Variants in ADAMTSL1 observed in about 807,000 individuals in gnomAD.
ADAMTSL1 encodes the protein ADAMTS like 1, also known as ADAMTS-like protein 1.
In ADAMTSL1, 126 loss-of-function variants were observed where a neutral mutation model predicts 201.8. The ratio of observed to expected loss-of-function variants is 0.62; its 90% CI spans 0.54 to 0.72. ADAMTSL1 has a LOEUF of 0.72. ADAMTSL1 is among the 30% of genes least tolerant of loss of function. ADAMTSL1 has a pLI of 0.00. For missense variants in ADAMTSL1, 2,679 were observed against 2,277.8 expected (o/e 1.18, Z -3.59); for synonymous variants, 1,121 against 903.4 (o/e 1.24, Z -4.32).
At chr9:18,125,615 G>A (rs1010177870) in intron 1 of ADAMTSL1, among the ~76,000 whole-genome samples, 1 of 152,074 alleles carries the variant, frequency 6.6e-6, no homozygotes, top group Non-Finnish European at 1.5e-5. Context: ...GGCGAGATAA[G>A]GGTCCAACTT....
chr9:18,811,073 G>A (rs187408761), intron 20 of ADAMTSL1, among the ~76,000 whole-genome samples: 1 of 140,586 alleles, frequency 7.1e-6, no homozygotes, highest in East Asian at 2.3e-4. Flanking sequence ...CTAACAAAAG[G>A]ACTAGGAAAG....
At chr9:18,839,742 T>A (rs1420620394) in intron 23 of ADAMTSL1, among the ~76,000 whole-genome samples, 1 of 152,074 alleles carries the variant, frequency 6.6e-6, no homozygotes, top group African/African-American at 2.4e-5. Flanking sequence ...TGGTGTGAGG[T>A]GGTATCTCAT....
chr9:18,552,681 G>T (rs138471410), intron 3 of ADAMTSL1, among the ~76,000 whole-genome samples: 30 of 151,554 alleles, frequency 2.0e-4, no homozygotes, highest in Non-Finnish European at 4.3e-4. Flanking sequence ...CTTGTAGTCC[G>T]TTTGGGTTAT....
chr9:18,764,178 G>C (rs1364310710), intron 16 of ADAMTSL1, among the ~76,000 whole-genome samples: 1 of 152,066 alleles, frequency 6.6e-6, no homozygotes, highest in African/African-American at 2.4e-5. Context: ...TTTCATCAGT[G>C]TCTTAAACTT....
chr9:18,906,776 T>C lies in ADAMTSL1; in HGVS notation c.5046T>C (p.Cys1682=). 6.2e-7 allele frequency: 1 copy of C among 1,613,994 alleles called. No individual in the cohort carries two copies. ...TGTGGACCCTGTGCACAGCTACCTG[T>C]GGCAACTACGGCTTCCAGTCCCGGC... The part of the protein sequence containing the change: ...VSLWTLCTAT[C]GNYGFQSRRV... Residue 1682 remains cysteine, a synonymous_variant, in exon 28 of 29, where the codon TGT becomes TGC. Coordinates refer to ENST00000380548, the MANE Select transcript of ADAMTSL1 (RefSeq NM_001040272.6).
intron 2 of ADAMTSL1, among the ~76,000 whole-genome samples, chr9:18,308,094 C>T (rs754512428): frequency 3.9e-5 from 6 of 152,100 alleles, no homozygotes; most frequent in East Asian, 1.9e-4. Context: ...TGAATGACTA[C>T]TGGGTAAATA....
In ADAMTSL1 at chr9:18,744,741, A is replaced by G. The variant is rs553325957; in HGVS notation, c.2007-8557A>G. ...TTCAACTGCAGGGTGGCAGAGCACA[A>G]TTCATTCGCAAACAATCCGATCTTA... On this transcript the variant is annotated intron_variant, in intron 15 of 28. Coordinates refer to ENST00000380548, the MANE Select transcript of ADAMTSL1 (RefSeq NM_001040272.6). 3.5e-4 allele frequency among the ~76,000 whole-genome samples: 53 copies of G among 152,318 alleles called. 1 individual carries two copies. The highest frequency in any genetic ancestry group is 9.4e-4 in the African/African-American group (39 of 41,572).
chr9:18,394,782 G>A (rs906679281), intron 2 of ADAMTSL1, among the ~76,000 whole-genome samples: 2 of 152,280 alleles, frequency 1.3e-5, no homozygotes, highest in South Asian at 2.1e-4. Flanking sequence ...TATGAGAACA[G>A]CAGGTCTGAA....
intron 1 of ADAMTSL1, among the ~76,000 whole-genome samples, chr9:17,964,873 T>C (rs542744309): frequency 1.3e-5 from 2 of 152,258 alleles, no homozygotes; most frequent in South Asian, 4.1e-4. Flanking sequence ...ATTTCTTTTC[T>C]TTTCTTTTCT....
At chr9:18,266,157 C>T (rs1263218591) in intron 2 of ADAMTSL1, among the ~76,000 whole-genome samples, 1 of 152,248 alleles carries the variant, frequency 6.6e-6, no homozygotes, top group African/African-American at 2.4e-5. Context: ...ACTGCTGCTC[C>T]AATTATACAC....
chr9:18,436,695 A>G (rs1273840046), intron 2 of ADAMTSL1, among the ~76,000 whole-genome samples: 1 of 152,160 alleles, frequency 6.6e-6, no homozygotes, highest in Non-Finnish European at 1.5e-5. Flanking sequence ...CTCTATGAGT[A>G]ATTGATGCTG....
chr9:18,325,222 G>C (rs1418862296), intron 2 of ADAMTSL1, among the ~76,000 whole-genome samples: 1 of 152,168 alleles, frequency 6.6e-6, no homozygotes, highest in Non-Finnish European at 1.5e-5. Context: ...CTATGACCCA[G>C]TGATTCTACT....
chr9:18,672,347 G>T (rs1306849965), intron 9 of ADAMTSL1, among the ~76,000 whole-genome samples: 1 of 151,944 alleles, frequency 6.6e-6, no homozygotes, highest in Non-Finnish European at 1.5e-5. Flanking sequence ...TCTTAGATTT[G>T]AATTTTTTCA....
intron 2 of ADAMTSL1, among the ~76,000 whole-genome samples, chr9:18,357,780 A>G (rs921005269): frequency 2.6e-5 from 4 of 152,002 alleles, no homozygotes; most frequent in Non-Finnish European, 5.9e-5. Flanking sequence ...AAAACATGAA[A>G]ATGAAGACCT....
At chr9:18,369,995 G>A (rs1216760835) in intron 2 of ADAMTSL1, among the ~76,000 whole-genome samples, 1 of 152,082 alleles carries the variant, frequency 6.6e-6, no homozygotes, top group Non-Finnish European at 1.5e-5. Context: ...AATAGATACT[G>A]GGGGCTGGAC....
chr9:17,940,525 G>A (rs917342760), intron 1 of ADAMTSL1, among the ~76,000 whole-genome samples: 2 of 151,976 alleles, frequency 1.3e-5, no homozygotes, highest in Non-Finnish European at 2.9e-5. Context: ...AGGGTGGGCA[G>A]ATAGCATCTA....
intron 26 of ADAMTSL1, among the ~76,000 whole-genome samples, chr9:18,901,524 T>G (rs1830016987): frequency 6.6e-6 from 1 of 152,202 alleles, no homozygotes; most frequent in Non-Finnish European, 1.5e-5. Flanking sequence ...AAACCAATAA[T>G]GTAAAGTGGG....
chr9:18,871,666 G>A (rs1249797149), intron 23 of ADAMTSL1, among the ~76,000 whole-genome samples: 1 of 152,158 alleles, frequency 6.6e-6, no homozygotes, highest in African/African-American at 2.4e-5. Flanking sequence ...ATAAGGAAGA[G>A]CTTCTCTTAC....
chr9:18,677,533 G>A (rs1830197526), intron 10 of ADAMTSL1, among the ~76,000 whole-genome samples: 1 of 152,056 alleles, frequency 6.6e-6, no homozygotes, highest in South Asian at 2.1e-4. Context: ...TAAAGGTAAA[G>A]TTGGACCTCA....
Sources: allele counts gnomAD v4.1 joint callset (sites outside exome capture counted in the v4.1 genomes callset), GRCh38; gene constraint gnomAD v4.1.1; transcripts MANE v1.5; gene names NCBI Gene and HGNC (gene_info 2026-07-23, HGNC 2026-07-21).